The following CDH26 variants were observed in gnomAD, a reference collection of about 807,000 sequenced individuals.
The protein encoded by CDH26 is cadherin-like protein 26.
CDH26 carries 83 observed loss-of-function variants against 90.3 expected under a neutral mutation model. The observed-to-expected ratio is 0.92, with a 90% CI of 0.77 to 1.10. The LOEUF (loss-of-function observed/expected upper bound fraction) is 1.10. CDH26 is among the 50% of genes least tolerant of loss of function. The probability of loss-of-function intolerance (pLI) is 0.00; values close to 1 mark genes in which losing one functional copy is unlikely to be tolerated. For missense variants in CDH26, 1,013 were observed against 1,037.6 expected, an observed-to-expected ratio of 0.98 and a Z score of 0.33; for synonymous variants, 397 against 396.3, an observed-to-expected ratio of 1.00 and a Z score of -0.02.
chr20:59,993,194 G>C (rs1447282582), intron 10 of CDH26, among the ~76,000 whole-genome samples: 5 of 152,056 alleles, frequency 3.3e-5, no homozygotes, highest in Non-Finnish European at 7.4e-5. Context: ...GAAAAAATGG[G>C]GCCAGTGTTT....
At position 60,031,399 on chromosome 20, in the gene CDH26, A is replaced by T; in HGVS notation, c.1117A>T (p.Lys373Ter). The T allele has an allele frequency of 1.6e-6, 2 of 1,216,896 alleles. No homozygotes were observed. The highest frequency in any genetic ancestry group is 2.1e-6 in the Non-Finnish European group (2 of 949,294). The allele number at this position is 1,216,896 out of a possible 1,614,324, so 75.4% of individuals were successfully genotyped here. A position where few individuals can be genotyped will look rare whatever the true frequency, so the allele number is the denominator to read the frequency against. Residue 373 changes from lysine (K) to a stop codon, truncating the protein, a stop_gained, in exon 8 of 9, where the codon AAG (lysine) becomes TAG (stop). Coordinates refer to the CDH26 transcript ENST00000370991. LOFTEE classifies it low-confidence loss of function (END_TRUNC). The stretch of plus-strand genomic sequence containing the variant: ...GGCTTTGGCTCGAACACCCTCTTTC[A>T]AGAAAGTTGTTTATGACCACAAGGA...
At chr20:60,033,923 G>T (rs1339873869) in exon 9 of CDH26, 2 of 292,146 alleles carry the variant, frequency 6.8e-6, no homozygotes, top group East Asian at 1.5e-4. Flanking sequence ...TATCCAATAT[G>T]CATGTAAGAA....
In CDH26 at chr20:59,992,414, C is replaced by T. The variant is rs747859766; in HGVS notation, c.1320C>T (p.Ser440=). The change falls in exon 10 of 18, where the codon AGC becomes AGT. Residue 440 remains serine (S), a synonymous_variant. Coordinates refer to ENST00000348616, the MANE Select transcript of CDH26 (RefSeq NM_177980.4). The surrounding 1 kb of genome is among the most constrained non-coding windows in gnomAD (Gnocchi z 5.0). ...ELVHDPANWV[S]VDKNSGVVIT... is the part of the protein sequence containing the mutation. ...TTCATGACCCAGCAAATTGGGTCAG[C>T]GTCGACAAAAACTCCGGAGTGGTCA... The T allele has an allele frequency of 5.0e-6, 8 of 1,613,834 alleles. No homozygotes were observed. Among genetic ancestry groups the T allele is most frequent in the African/African-American group, 1.3e-5 (1 of 74,876 alleles).
chr20:60,027,420 CT>C (rs1166418412), intron 7 of CDH26, among the ~76,000 whole-genome samples: 2 of 152,184 alleles, frequency 1.3e-5, no homozygotes, highest in East Asian at 3.8e-4. Context: ...TTCCATCCCT[CT>C]TTTTTCTTTT....
At chr20:60,032,326 T>C (rs1335125795) in intron 8 of CDH26, among the ~76,000 whole-genome samples, 1 of 152,220 alleles carries the variant, frequency 6.6e-6, no homozygotes, top group African/African-American at 2.4e-5. Flanking sequence ...TAAATTCTAT[T>C]GGCCAGAACT....
intron 9 of CDH26, 60 bp downstream of exon 9, chr20:59,989,223 G>C: frequency 6.3e-7 from 1 of 1,595,334 alleles, no homozygotes; most frequent in South Asian, 1.1e-5. Context: ...ATAACCAAGA[G>C]GGCTCCTGTT....
chr20:60,022,980 C>T lies in CDH26; in HGVS notation c.948-8251C>T, dbSNP rs144336247. ...GAATGGCAGCAACATTTCCCATCCT[C>T]CACTTCAGCTAGGCATGGCTATGTG... On this transcript the variant is annotated intron_variant, in intron 7 of 8. Transcript: ENST00000370991. Among the ~76,000 whole-genome samples, 354 of 152,348 alleles carry T rather than the reference C, an allele frequency of 2.3e-3. 1 individual carries two copies. Among genetic ancestry groups the T allele is most frequent in the African/African-American group, 8.1e-3 (336 of 41,584 alleles).
intron 17 of CDH26, among the ~76,000 whole-genome samples, chr20:60,011,289 T>C (rs1310062641): frequency 1.3e-5 from 2 of 152,236 alleles, no homozygotes; most frequent in African/African-American, 4.8e-5. Flanking sequence ...CTTTGGTCAT[T>C]CTGTCACTAC....
rs2061877336 is a variant in CDH26, at chr20:60,013,667, T to C, written c.*937T>C. 1 of 152,186 alleles carries C rather than the reference T, an allele frequency of 6.6e-6. No individual in the cohort carries two copies. The highest frequency in any genetic ancestry group is 1.5e-5 in the Non-Finnish European group (1 of 68,040). The allele number at this position is 152,186 out of a possible 1,614,324, so 9.4% of individuals were successfully genotyped here. ...CAGCCATATAAAAATTTTATATAAT[T>C]AATGAGCAAATGCCGTCTCTCATGC... On this transcript the variant is annotated 3_prime_UTR_variant, in exon 18 of 18. Coordinates refer to ENST00000348616, the MANE Select transcript of CDH26 (RefSeq NM_177980.4).
At chr20:59,987,310 T>C in intron 7 of CDH26, 143 bp from the exon 8 acceptor site, 1 of 664,640 alleles carries the variant, frequency 1.5e-6, no homozygotes, top group Non-Finnish European at 2.5e-6. Flanking sequence ...ATGAGGAATA[T>C]CCAGGGTGTT....
intron 9 of CDH26, among the ~76,000 whole-genome samples, chr20:59,990,326 T>C (rs1601151516): frequency 6.6e-6 from 1 of 152,120 alleles, no homozygotes; most frequent in Admixed American, 6.5e-5. Context: ...GAAATTGGCA[T>C]TTTTGGGTCT....
intron 7 of CDH26, among the ~76,000 whole-genome samples, chr20:60,024,887 T>A (rs935228206): frequency 6.6e-6 from 1 of 152,236 alleles, no homozygotes; most frequent in African/African-American, 2.4e-5. Flanking sequence ...TTCTGGCCAA[T>A]GGGATTCATG....
intron 17 of CDH26, among the ~76,000 whole-genome samples, chr20:60,012,066 G>A (rs942854180): frequency 2.6e-5 from 4 of 152,044 alleles, no homozygotes; most frequent in East Asian, 1.9e-4. Context: ...TGTGAAGTAT[G>A]AGCAGATTGA....
At position 60,030,214 on chromosome 20, in the gene CDH26, TC is replaced by T. The variant is rs1313431760; in HGVS notation, c.948-1013del. Among the ~76,000 whole-genome samples the T allele has an allele frequency of 6.6e-6, 1 of 152,180 alleles. No individual in the cohort carries two copies. The highest frequency in any genetic ancestry group is 1.5e-5 in the Non-Finnish European group (1 of 68,032). On this transcript the variant is annotated intron_variant, in intron 7 of 8. Coordinates refer to the CDH26 transcript ENST00000370991. This position sits in a 1 kb window ranked among gnomAD's most constrained non-coding sequence, Gnocchi z 4.0. ...TCTGCTACCTTTTTGCTGGGTGACT[TC>T]CCCAGTCTGGGCCTGTGTCTATTTG...
chr20:59,967,105 A>G (rs1442191140), intron 1 of CDH26, among the ~76,000 whole-genome samples: 3 of 152,248 alleles, frequency 2.0e-5, no homozygotes, highest in Non-Finnish European at 4.4e-5. Context: ...CTATGCACAC[A>G]GATACATATA....
At chr20:60,018,707 T>G (rs1035820023), downstream of CDH26, among the ~76,000 whole-genome samples, 43 of 33,198 alleles carry the variant, frequency 1.3e-3, no homozygotes, top group African/African-American at 5.9e-3. Context: ...ACTGCCTTTT[T>G]TTTTTTTTTT....
At chr20:59,999,752 A>AG in intron 14 of CDH26, 89 bp downstream of exon 14, 2 of 1,201,806 alleles carry the variant, frequency 1.7e-6, no homozygotes, top group Non-Finnish European at 2.5e-6. Flanking sequence ...TGCTCCTCCC[A>AG]GTGCCACATC....
chr20:60,015,510 G>A (rs558101275), downstream of CDH26, among the ~76,000 whole-genome samples: 6 of 152,240 alleles, frequency 3.9e-5, no homozygotes, highest in East Asian at 1.9e-4. Context: ...TGAGCTCCTC[G>A]TGTATTCCAG....
chr20:59,968,289 G>A (rs957788069), intron 1 of CDH26, among the ~76,000 whole-genome samples: 3 of 151,896 alleles, frequency 2.0e-5, no homozygotes, highest in African/African-American at 7.3e-5. Context: ...GTAGAGATGG[G>A]GTTTCATCAT....
Sources: gnomAD v4.1 joint callset for allele counts (sites outside exome capture counted in the v4.1 genomes callset) on GRCh38, gnomAD v4.1.1 for gene constraint, Gnocchi (gnomAD v3.1) non-coding constraint, MANE v1.5 for transcripts, NCBI Gene and HGNC (gene_info 2026-07-23, HGNC 2026-07-21) for gene names.